Variants in GRIK4 observed in about 807,000 individuals in gnomAD.
The protein encoded by GRIK4 is glutamate ionotropic receptor kainate type subunit 4, also known as glutamate receptor ionotropic, kainate 4.
Under a neutral mutation model 104.9 loss-of-function variants are expected in GRIK4, and 40 were observed. The ratio of observed to expected loss-of-function variants is 0.38; its 90% CI spans 0.30 to 0.50. The LOEUF (loss-of-function observed/expected upper bound fraction) is 0.50. Ranked by LOEUF, GRIK4 falls within the 20% of genes least tolerant of loss-of-function variation. The probability of loss-of-function intolerance (pLI) is 0.93; values close to 1 mark genes in which losing one functional copy is unlikely to be tolerated. For synonymous variants in GRIK4, 485 were observed against 524.9 expected (o/e 0.92, Z 1.04); for missense variants, 1,047 against 1,308.1 (o/e 0.80, Z 3.08).
intron 3 of GRIK4, among the ~76,000 whole-genome samples, chr11:120,695,357 G>A (rs1386342457): frequency 6.6e-6 from 1 of 152,232 alleles, no homozygotes; most frequent in African/African-American, 2.4e-5. Flanking sequence ...TGGCCCAGGT[G>A]GCTGCCATGT....
chr11:120,973,558 A>G (rs1944510610), intron 19 of GRIK4, among the ~76,000 whole-genome samples: 2 of 152,212 alleles, frequency 1.3e-5, no homozygotes, highest in Non-Finnish European at 1.5e-5. Flanking sequence ...ATAAGAGGCA[A>G]TGTTTCAGAG....
chr11:120,872,586 G>A, intron 9 of GRIK4: 1 of 153,560 alleles, frequency 6.5e-6, no homozygotes, highest in Non-Finnish European at 1.5e-5. Flanking sequence ...CGCCAGTGAT[G>A]GAATGTCGTG....
At chr11:120,568,285 G>C (rs1397456169) in intron 1 of GRIK4, among the ~76,000 whole-genome samples, 2 of 152,146 alleles carry the variant, frequency 1.3e-5, no homozygotes, top group Non-Finnish European at 2.9e-5. Context: ...GTTTCTCCTG[G>C]TATCCTGCCT....
At chr11:120,692,747 C>A (rs1436872297) in intron 3 of GRIK4, among the ~76,000 whole-genome samples, 1 of 152,000 alleles carries the variant, frequency 6.6e-6, no homozygotes, top group African/African-American at 2.4e-5. Flanking sequence ...TCTTTTTTTT[C>A]TGAGACTCAG....
intron 20 of GRIK4, 41 bp downstream of exon 20, chr11:120,982,265 G>A (rs1004625301): frequency 9.4e-7 from 1 of 1,063,546 alleles, no homozygotes; most frequent in Non-Finnish European, 1.5e-6. Context: ...GTTGGCAGAT[G>A]GGGTGAAGTT....
At position 120,586,665 on chromosome 11, in the gene GRIK4, C is replaced by T. The variant is rs917125703; in HGVS notation, c.-158-67020C>T. On this transcript the variant is annotated intron_variant, in intron 1 of 20. Coordinates refer to ENST00000527524, the MANE Select transcript of GRIK4 (RefSeq NM_014619.5). ...TGGGAAGTGAGAGGTGACAATGGGA[C>T]ATTCGGGTGACCTTGTCTTCCTGTT... Among the ~76,000 whole-genome samples, 3 of 152,250 alleles carry T rather than the reference C, an allele frequency of 2.0e-5. No homozygotes were observed. The South Asian group carries it at 6.2e-4, about 32-fold the overall frequency.
rs773499648 is a variant in GRIK4 at position 120,660,326 on chromosome 11, G to A, written c.8G>A (p.Arg3His). Residue 3 changes from arginine (R) to histidine (H), a missense_variant, in exon 3 of 21, where the codon CGC becomes CAC. Physicochemically the swap from Arg to His is conservative, Grantham distance 29 (BLOSUM62 0). Coordinates refer to ENST00000527524, the MANE Select transcript of GRIK4 (RefSeq NM_014619.5). ...CATGAGGATTCATAGAAGATGCCCC[G>A]CGTCTCGGCGCCTTTGGTGCTGCTT... MP[R>H]VSAPLVLLPA... The A allele has an allele frequency of 1.2e-6, 2 of 1,612,742 alleles. No homozygotes were observed. The highest frequency in any genetic ancestry group is 1.3e-5 in the African/African-American group (1 of 75,040).
chr11:120,782,227 G>T (rs11218005), intron 3 of GRIK4, among the ~76,000 whole-genome samples: 8,292 of 151,536 alleles, frequency 0.055, 397 homozygotes, highest in African/African-American at 0.13. Flanking sequence ...TGTCCTGTCC[G>T]TCAGTCTATT....
At chr11:120,818,218 G>T (rs1331757945) in intron 5 of GRIK4, among the ~76,000 whole-genome samples, 1 of 152,230 alleles carries the variant, frequency 6.6e-6, no homozygotes, top group Non-Finnish European at 1.5e-5. Context: ...ATGGAATGTG[G>T]TAGGCTAGAG....
chr11:120,720,867 G>T (rs1180667229), intron 3 of GRIK4, among the ~76,000 whole-genome samples: 2 of 152,088 alleles, frequency 1.3e-5, no homozygotes, highest in Non-Finnish European at 2.9e-5. Flanking sequence ...AGGAATGGAG[G>T]GTGAGGATGG....
At chr11:120,527,636 C>T (rs1383726333) in intron 1 of GRIK4, among the ~76,000 whole-genome samples, 2 of 152,214 alleles carry the variant, frequency 1.3e-5, no homozygotes, top group Admixed American at 6.5e-5. Context: ...CTTTTGTTAC[C>T]TTTGTGATGT....
intron 3 of GRIK4, among the ~76,000 whole-genome samples, chr11:120,728,199 A>G (rs1417229921): frequency 1.3e-5 from 2 of 152,206 alleles, no homozygotes; most frequent in East Asian, 1.9e-4. Flanking sequence ...TAGGAGAAAG[A>G]AAATGACATT....
Position 120,810,077 on chromosome 11 carries a change from C to T in GRIK4, c.248-5301C>T, listed in dbSNP as rs148572305. On this transcript the variant is annotated intron_variant, in intron 4 of 20. Transcript: ENST00000527524. ...GAGACACTGTCTCAAAACAAACAAA[C>T]AAACAAAAGAACGGTTGTGTGGTGC... Among the ~76,000 whole-genome samples the T allele has an allele frequency of 7.5e-3, 1,144 of 152,262 alleles. 20 individuals carry two copies. Among genetic ancestry groups the T allele is most frequent in the African/African-American group, 0.026 (1,092 of 41,570 alleles).
At chr11:120,898,753 G>A in intron 12 of GRIK4, 114 bp downstream of exon 12, 1 of 671,496 alleles carries the variant, frequency 1.5e-6, no homozygotes. Flanking sequence ...ACAGCACTGA[G>A]CCCAATTTAT....
At chr11:120,789,231 C>T (rs1204090693) in intron 3 of GRIK4, among the ~76,000 whole-genome samples, 1 of 152,102 alleles carries the variant, frequency 6.6e-6, no homozygotes, top group Non-Finnish European at 1.5e-5. Flanking sequence ...AACAGTGCGC[C>T]CCGAACTTAA....
chr11:120,885,607 A>G (rs1392125446), intron 11 of GRIK4, among the ~76,000 whole-genome samples: 2 of 151,834 alleles, frequency 1.3e-5, no homozygotes, highest in Admixed American at 1.3e-4. Context: ...CTGATCTCGA[A>G]CTCCTGACCT....
At chr11:120,875,693 C>T (rs1261128082) in intron 11 of GRIK4, among the ~76,000 whole-genome samples, 1 of 152,146 alleles carries the variant, frequency 6.6e-6, no homozygotes, top group Non-Finnish European at 1.5e-5. Context: ...GCTCCCACCC[C>T]CATGCCAATG....
rs1289675423 is a variant in GRIK4, at chr11:120,892,787, C to G, written c.1165-5745C>G. The stretch of plus-strand genomic sequence containing the variant: ...TCCAAAGGACTATGGGTAGCCCCTA[C>G]TGATGCCACGGAACCATTCACTACA... On this transcript the variant is annotated intron_variant, in intron 11 of 20. Transcript: ENST00000527524. Among the ~76,000 whole-genome samples, 3 of 152,210 alleles carry G rather than the reference C, an allele frequency of 2.0e-5. No individual in the cohort carries two copies. The East Asian group carries it at 5.8e-4, about 29-fold the overall frequency.
intron 7 of GRIK4, among the ~76,000 whole-genome samples, chr11:120,833,494 C>T (rs993625778): frequency 1.3e-5 from 2 of 152,128 alleles, no homozygotes; most frequent in Non-Finnish European, 2.9e-5. Context: ...ATAGATGTCC[C>T]TCCACCACCC....
Sources: gnomAD v4.1 joint callset for allele counts (sites outside exome capture counted in the v4.1 genomes callset) on GRCh38, gnomAD v4.1.1 for gene constraint, MANE v1.5 for transcripts, NCBI Gene and HGNC (gene_info 2026-07-23, HGNC 2026-07-21) for gene names.